MBD3L1: variants seen among roughly 807,000 people sequenced by gnomAD.
The protein encoded by MBD3L1 is methyl-CpG binding domain protein 3 like 1.
For synonymous variants in MBD3L1, 84 were observed against 85.1 expected, an observed-to-expected ratio of 0.99 and a Z score of 0.07; for missense variants, 203 against 230.1, an observed-to-expected ratio of 0.88 and a Z score of 0.76.
chr19:8,838,653 G>A (rs1274483398), intron 1 of MBD3L1, among the ~76,000 whole-genome samples: 1 of 152,190 alleles, frequency 6.6e-6, no homozygotes, highest in African/African-American at 2.4e-5. Flanking sequence ...TTATTGAGAC[G>A]TTTTAGGTGC....
intron 1 of MBD3L1, among the ~76,000 whole-genome samples, chr19:8,837,192 C>G (rs1351729125): frequency 5.3e-5 from 8 of 152,136 alleles, no homozygotes; most frequent in Non-Finnish European, 1.0e-4. Flanking sequence ...ATACCCAAAG[C>G]TGTACGAATG....
chr19:8,833,007 G>C (rs2044400589), intron 1 of MBD3L1: 3 of 153,080 alleles, frequency 2.0e-5, no homozygotes, highest in Non-Finnish European at 4.3e-5. Context: ...GACTGTGGGC[G>C]GAGACCAGTT....
In MBD3L1 at chr19:8,842,825, G is replaced by A. The variant is rs749938137; in HGVS notation, c.147G>A (p.Glu49=). The part of the protein sequence containing the change: ...VTRITPHPGN[E]VRYHQWEESL... ...GAATTACACCCCATCCTGGCAATGA[G>A]GTCAGATACCATCAATGGGAGGAGA... Residue 49 remains glutamate, a synonymous_variant, in exon 3 of 3, where the codon GAG becomes GAA. Coordinates refer to ENST00000595891, the MANE Select transcript of MBD3L1 (RefSeq NM_001393532.1). 9.3e-6 allele frequency: 15 copies of A among 1,614,190 alleles called. No individual in the cohort carries two copies. The highest frequency in any genetic ancestry group is 1.3e-5 in the Non-Finnish European group (15 of 1,180,050).
Position 8,842,794 on chromosome 19 carries a change from T to C in MBD3L1, c.116T>C (p.Val39Ala), listed in dbSNP as rs1335218374. 1.2e-6 allele frequency: 2 copies of C among 1,614,206 alleles called. No homozygotes were observed. The highest frequency in any genetic ancestry group is 1.7e-5 in the Admixed American group (1 of 60,016). ...TCCAGTTACACATTCAAGAGGCCAGTAACGAGAATTACACCCCATCCTGGC... is the reference window on the plus strand; with the variant it reads ...TCCAGTTACACATTCAAGAGGCCAGCAACGAGAATTACACCCCATCCTGGC... ...RMSSYTFKRPVTRITPHPGNE... is the reference protein window; with the variant it reads ...RMSSYTFKRPATRITPHPGNE... The change falls in exon 3 of 3, where the codon GTA (valine) becomes GCA (alanine). Residue 39 changes from valine (V) to alanine (A), a missense_variant. By Grantham distance (64) the Val-to-Ala change is moderately conservative (BLOSUM62 0). Coordinates refer to ENST00000595891, the MANE Select transcript of MBD3L1 (RefSeq NM_001393532.1).
Position 8,843,037 on chromosome 19 carries a change from C to G in MBD3L1, c.359C>G (p.Pro120Arg). Residue 120 changes from proline to arginine, a missense_variant, in exon 3 of 3, where the codon CCC becomes CGC. Coordinates refer to ENST00000595891, the MANE Select transcript of MBD3L1 (RefSeq NM_001393532.1). ...ASGLEHSCPM[P>R]HLACSSDAVE... Reference sequence around the variant, plus strand: ...GGTCTGGAGCACTCCTGCCCCATGCCCCACCTTGCCTGCTCTTCAGATGCG... The same window carrying G: ...GGTCTGGAGCACTCCTGCCCCATGCGCCACCTTGCCTGCTCTTCAGATGCG... 6.2e-7 allele frequency: 1 copy of G among 1,614,130 alleles called. No individual in the cohort carries two copies. The highest frequency in any genetic ancestry group is 8.5e-7 in the Non-Finnish European group (1 of 1,179,990).
At chr19:8,833,249 T>C (rs1258833312) in intron 1 of MBD3L1, 1 of 152,210 alleles carries the variant, frequency 6.6e-6, no homozygotes, top group East Asian at 1.9e-4. Context: ...TAGGATCAGA[T>C]TATGTATGCA....
chr19:8,836,776 C>A (rs1484908335), intron 1 of MBD3L1, among the ~76,000 whole-genome samples: 1 of 152,168 alleles, frequency 6.6e-6, no homozygotes, highest in Non-Finnish European at 1.5e-5. Flanking sequence ...TTAGGCATGA[C>A]CCCATCGTAT....
At chr19:8,833,738 C>CA (rs2044416960) in intron 1 of MBD3L1, among the ~76,000 whole-genome samples, 1 of 150,236 alleles carries the variant, frequency 6.7e-6, no homozygotes, top group African/African-American at 2.5e-5. Context: ...CTTGTAATCC[C>CA]AACACTTTGG....
chr19:8,837,775 T>C (rs2044469678), intron 1 of MBD3L1, among the ~76,000 whole-genome samples: 1 of 152,190 alleles, frequency 6.6e-6, no homozygotes. Flanking sequence ...AACTAGTAGC[T>C]TCCACCTAAC....
At chr19:8,835,772 C>T (rs1302453896) in intron 1 of MBD3L1, among the ~76,000 whole-genome samples, 1 of 152,090 alleles carries the variant, frequency 6.6e-6, no homozygotes, top group Non-Finnish European at 1.5e-5. Context: ...TTTGTATGTC[C>T]CAAATATCAG....
chr19:8,838,286 TCAG>T (rs2044476529), intron 1 of MBD3L1, among the ~76,000 whole-genome samples: 1 of 31,272 alleles, frequency 3.2e-5, no homozygotes, highest in Non-Finnish European at 8.0e-5. Context: ...AAAAAAAAGA[TCAG>T]CAGCCCCACT....
chr19:8,832,760 C>G (rs1194838839), intron 1 of MBD3L1, among the ~76,000 whole-genome samples: 1 of 150,024 alleles, frequency 6.7e-6, no homozygotes. Flanking sequence ...GATGACTGAG[C>G]AGAGACCAGT....
Position 8,842,675 on chromosome 19 carries a change from T to C in MBD3L1, c.-4T>C. ...TTTAATAGTGTAAGAGGAAAAGAAG[T>C]GTGATGGCCAAGAGTTCACAGAGGA... On this transcript the variant is annotated 5_prime_UTR_variant, in exon 3 of 3. Transcript: ENST00000595891. The C allele has an allele frequency of 6.2e-7, 1 of 1,611,470 alleles. No homozygotes were observed. The highest frequency in any genetic ancestry group is 8.5e-7 in the Non-Finnish European group (1 of 1,178,446).
In MBD3L1 at chr19:8,842,922, G is replaced by C; in HGVS notation, c.244G>C (p.Glu82Gln). The change falls in exon 3 of 3, where the codon GAA becomes CAA. Residue 82 changes from glutamate to glutamine, a missense_variant. Transcript: ENST00000595891. ...ACTCCAGGCTTACAGCAGTGCAGGA[G>C]AACTTTCAAGCACTTTGGATCTTGC... ...QGLQAYSSAG[E>Q]LSSTLDLANT... 1.9e-6 allele frequency: 3 copies of C among 1,614,234 alleles called. No homozygotes were observed. The highest frequency in any genetic ancestry group is 2.5e-6 in the Non-Finnish European group (3 of 1,180,044).
intron 2 of MBD3L1, among the ~76,000 whole-genome samples, chr19:8,841,375 T>A (rs1227847292): frequency 6.6e-6 from 1 of 151,368 alleles, no homozygotes. Flanking sequence ...AATCCAAGAG[T>A]GCTAGGAATC....
In MBD3L1 at chr19:8,843,146, A is replaced by G. The variant is rs774930821; in HGVS notation, c.468A>G (p.Lys156=). 1 of 1,613,848 alleles carries G rather than the reference A, an allele frequency of 6.2e-7. No individual in the cohort carries two copies. Among genetic ancestry groups the G allele is most frequent in the South Asian group, 1.1e-5 (1 of 90,984 alleles). The part of the protein sequence containing the change: ...QFLVTEEDIR[K]QEGKVKTVRE... ...TGGTTACTGAGGAAGATATCAGGAA[A>G]CAGGAAGGGAAAGTGAAGACAGTCA... The change falls in exon 3 of 3, where the codon AAA becomes AAG. Residue 156 remains lysine (K), a synonymous_variant. Transcript: ENST00000595891.
chr19:8,840,767 G>T (rs1326253490), intron 1 of MBD3L1, 148 bp from the exon 2 acceptor site: 2 of 152,156 alleles, frequency 1.3e-5, no homozygotes, highest in African/African-American at 2.4e-5. Context: ...TTTGCAACAG[G>T]TTTTGGGGAA....
chr19:8,842,902 A>G lies in MBD3L1; in HGVS notation c.224A>G (p.Gln75Arg). The change falls in exon 3 of 3, where the codon CAG becomes CGG. Residue 75 changes from glutamine to arginine, a missense_variant. By Grantham distance (43) the Gln-to-Arg change is conservative. Coordinates refer to ENST00000595891, the MANE Select transcript of MBD3L1 (RefSeq NM_001393532.1). ...VCWQRRLQGL[Q>R]AYSSAGELSS... ...TGGCAGAGGAGACTGCAGGGACTCC[A>G]GGCTTACAGCAGTGCAGGAGAACTT... is the stretch of plus-strand genomic sequence containing the variant. The G allele has an allele frequency of 6.2e-7, 1 of 1,614,234 alleles. No homozygotes were observed. Among genetic ancestry groups the G allele is most frequent in the Non-Finnish European group, 8.5e-7 (1 of 1,180,042 alleles).
At position 8,842,862 on chromosome 19, in the gene MBD3L1, C is replaced by G; in HGVS notation, c.184C>G (p.Pro62Ala). 3 of 1,614,140 alleles carry G rather than the reference C, an allele frequency of 1.9e-6. No homozygotes were observed. In the South Asian group the frequency reaches 3.3e-5, roughly 18 times the overall value. The change falls in exon 3 of 3, where the codon CCT (proline) becomes GCT (alanine). Residue 62 changes from proline to alanine, a missense_variant. By Grantham distance (27) the Pro-to-Ala change is conservative (BLOSUM62 -1). Coordinates refer to ENST00000595891, the MANE Select transcript of MBD3L1 (RefSeq NM_001393532.1). ...TCAATGGGAGGAGAGCTTGGAGAAG[C>G]CTCAGCAGGTCTGCTGGCAGAGGAG... ...YHQWEESLEK[P>A]QQVCWQRRLQ...
Sources: allele counts gnomAD v4.1 joint callset (sites outside exome capture counted in the v4.1 genomes callset), GRCh38; gene constraint gnomAD v4.1.1; transcripts MANE v1.5; gene names NCBI Gene and HGNC (gene_info 2026-07-23, HGNC 2026-07-21).